Variants in MYO19 observed in about 807,000 individuals in gnomAD.
MYO19 encodes the protein unconventional myosin-XIX.
In MYO19, 132 loss-of-function variants were observed where a neutral mutation model predicts 129.2. The observed-to-expected ratio is 1.02, with a 90% confidence interval of 0.89 to 1.18. The LOEUF is 1.18. Ranked by LOEUF, MYO19 falls within the 50% of genes most tolerant of loss-of-function variation. The pLI is 0.00. For synonymous variants in MYO19, 531 were observed against 477.2 expected (o/e 1.11, Z -1.47); for missense variants, 1,210 against 1,216.7 (o/e 0.99, Z 0.08).
At chr17:36,525,695 A>T (rs1338691494) in intron 5 of MYO19, among the ~76,000 whole-genome samples, 1 of 152,218 alleles carries the variant, frequency 6.6e-6, no homozygotes, top group East Asian at 1.9e-4. Context: ...CCTGTCCACT[A>T]ATTGGAAATA....
rs1159037570 is a variant in MYO19 at position 36,507,003 on chromosome 17, G to A, written c.1604C>T (p.Pro535Leu). The change falls in exon 17 of 26, where the codon CCT becomes CTT. Residue 535 changes from proline (P) to leucine (L), a missense_variant. Pro to Leu is a moderately conservative substitution (Grantham distance 98). Coordinates refer to ENST00000614623, the MANE Select transcript of MYO19 (RefSeq NM_001163735.2). The stretch of plus-strand genomic sequence containing the variant: ...CAGGCCTGCTGTGTGGTACCGCACA[G>A]GCCCCGCATAATGCACCACAATGAA... ...PSFIVVHYAG[P>L]VRYHTAGLVE... 2 of 1,612,434 alleles carry A rather than the reference G, an allele frequency of 1.2e-6. No individual in the cohort carries two copies. Among genetic ancestry groups the A allele is most frequent in the Admixed American group, 3.3e-5 (2 of 59,946 alleles).
intron 1 of MYO19, among the ~76,000 whole-genome samples, chr17:36,542,541 C>T (rs140419579): frequency 0.071 from 10,751 of 151,646 alleles, 638 homozygotes; most frequent in African/African-American, 0.16. Context: ...CTAATAAAAA[C>T]ACAAAAAATT....
chr17:36,525,618 C>A (rs1463645230), intron 5 of MYO19, among the ~76,000 whole-genome samples: 1 of 152,180 alleles, frequency 6.6e-6, no homozygotes, highest in East Asian at 1.9e-4. Context: ...ATTGTCTTAT[C>A]CTTCTGCCTA....
intron 3 of MYO19, among the ~76,000 whole-genome samples, chr17:36,530,073 A>G (rs1212716226): frequency 6.6e-6 from 1 of 152,070 alleles, no homozygotes; most frequent in Non-Finnish European, 1.5e-5. Context: ...AAAATAGAAA[A>G]ATTTCCAGCT....
chr17:36,518,489 G>GAAAAAAAAA (rs1165317347), intron 6 of MYO19, among the ~76,000 whole-genome samples: 1 of 24,070 alleles, frequency 4.2e-5, no homozygotes, highest in Non-Finnish European at 6.8e-5. Context: ...GATCTCAGAG[G>GAAAAAAAAA]AAAAAAAAAA....
upstream of MYO19, chr17:36,537,182 C>T: frequency 6.2e-7 from 1 of 1,614,114 alleles, no homozygotes; most frequent in Non-Finnish European, 8.5e-7. Flanking sequence ...AGGGATTGTG[C>T]TTTCCTGCAT....
chr17:36,498,474 G>C lies in MYO19; in HGVS notation c.2549C>G (p.Ser850Trp). The C allele has an allele frequency of 6.2e-7, 1 of 1,614,066 alleles. No individual in the cohort carries two copies. The highest frequency in any genetic ancestry group is 1.1e-5 in the South Asian group (1 of 91,090). The change falls in exon 25 of 26, where the codon TCG becomes TGG. Residue 850 changes from serine to tryptophan, a missense_variant. By Grantham distance (177) the Ser-to-Trp change is radical. Coordinates refer to ENST00000614623, the MANE Select transcript of MYO19 (RefSeq NM_001163735.2). ...CTCCAGGAGCCTGGTCTGCAGCGGC[G>C]AGGTGCTCAGGGAACAGGGAGCTTG... Reference protein sequence around the residue: ...FSQAPCSLSTSPLQTRLLEAI... With the variant: ...FSQAPCSLSTWPLQTRLLEAI...
intron 6 of MYO19, among the ~76,000 whole-genome samples, chr17:36,523,871 G>A (rs1023114272): frequency 6.6e-6 from 1 of 152,186 alleles, no homozygotes; most frequent in Non-Finnish European, 1.5e-5. Context: ...AGATGTGCAA[G>A]TAACTGCATC....
chr17:36,499,273 T>G (rs1404863296), intron 23 of MYO19, 113 bp from the exon 24 acceptor site: 2 of 721,512 alleles, frequency 2.8e-6, no homozygotes, highest in East Asian at 6.0e-5. Context: ...TACGTTTTTT[T>G]TTTTTCAATA....
intron 21 of MYO19, chr17:36,501,439 G>A (rs1206641137): frequency 9.3e-6 from 5 of 539,986 alleles, no homozygotes; most frequent in Admixed American, 3.4e-5. Flanking sequence ...GTTCCGTGGA[G>A]CCTTGGAATA....
In MYO19 at chr17:36,500,903, G is replaced by C; in HGVS notation, c.2304C>G (p.Ile768Met). Residue 768 changes from isoleucine to methionine, a missense_variant, in exon 23 of 26, where the codon ATC (isoleucine) becomes ATG (methionine). By Grantham distance (10) the Ile-to-Met change is conservative. Transcript: ENST00000614623. Reference sequence around the variant, plus strand: ...GCCGGTGTCGCCTCCAGCCACCCTGGATGCAGCGGGCACACTGCTCCAGCA... The same window carrying C: ...GCCGGTGTCGCCTCCAGCCACCCTGCATGCAGCGGGCACACTGCTCCAGCA... ...ARVLEQCARC[I>M]QGGWRRHRHR... The C allele has an allele frequency of 6.2e-7, 1 of 1,609,234 alleles. No individual in the cohort carries two copies. Among genetic ancestry groups the C allele is most frequent in the Non-Finnish European group, 8.5e-7 (1 of 1,179,252 alleles).
upstream of MYO19, chr17:36,535,238 G>GGAGTGTTGTGCGA (rs1428710213): frequency 6.6e-6 from 1 of 152,262 alleles, no homozygotes; most frequent in African/African-American, 2.4e-5. Context: ...CGAGGCCGGC[G>GGAGTGTTGTGCGA]GACACCATTA....
chr17:36,507,552 T>C, intron 15 of MYO19, 40 bp from the exon 16 acceptor site: 1 of 1,591,098 alleles, frequency 6.3e-7, no homozygotes, highest in South Asian at 1.1e-5. Context: ...AAGGCAGCTG[T>C]GGTCTGATGT....
rs540031961 is a variant in MYO19 at position 36,511,407 on chromosome 17, C to T, written c.943G>A (p.Glu315Lys). The change falls in exon 12 of 26, where the codon GAG (glutamate) becomes AAG (lysine). Residue 315 changes from glutamate to lysine, a missense_variant. Glu to Lys is a moderately conservative substitution (Grantham distance 56, BLOSUM62 1). Transcript: ENST00000614623. The part of the protein sequence containing the change: ...HLGNIQFAAS[E>K]DEAQPCQPMD... ...GGCTGGCAGGGCTGGGCTTCATCCT[C>T]GGAGGCAGCAAACTGGATATTGCCA... 1.7e-5 allele frequency: 26 copies of T among 1,575,158 alleles called. No individual in the cohort carries two copies. In the East Asian group the frequency reaches 2.6e-4, roughly 16 times the overall value.
chr17:36,495,653 A>T lies in MYO19; in HGVS notation c.*598T>A, dbSNP rs1023297377. On this transcript the variant is annotated 3_prime_UTR_variant, in exon 26 of 26. Transcript: ENST00000614623. ...TCAGATGATTGTTTTTAAATGTTTT[A>T]CTTTTGGTACAGTTGATAGACATCA... 12 of 1,289,312 alleles carry T rather than the reference A, an allele frequency of 9.3e-6. No homozygotes were observed. The African/African-American group carries it at 1.8e-4, about 20-fold the overall frequency. 79.9% of individuals were successfully genotyped at this position (1,289,312 alleles called of 1,614,324 possible).
At chr17:36,510,697 G>T (rs777821891) in intron 13 of MYO19, 49 bp downstream of exon 13, 3 of 1,531,548 alleles carry the variant, frequency 2.0e-6, no homozygotes, top group Non-Finnish European at 2.6e-6. Flanking sequence ...CGGACAGGAA[G>T]AGCACTTGTC....
chr17:36,515,577 T>C (rs527462005), intron 7 of MYO19, among the ~76,000 whole-genome samples: 1 of 152,286 alleles, frequency 6.6e-6, no homozygotes, highest in Admixed American at 6.5e-5. Context: ...GGAAACTGGA[T>C]AGAAAGACAG....
At chr17:36,497,281 C>T (rs1029091828) in intron 25 of MYO19, among the ~76,000 whole-genome samples, 6 of 149,792 alleles carry the variant, frequency 4.0e-5, no homozygotes, top group African/African-American at 9.9e-5. Flanking sequence ...CCATCCTGGG[C>T]GACAGAGTGA....
intron 25 of MYO19, among the ~76,000 whole-genome samples, chr17:36,497,396 C>A (rs1380813056): frequency 1.3e-5 from 2 of 151,230 alleles, no homozygotes; most frequent in Non-Finnish European, 2.9e-5. Context: ...AAGGAAAAAA[C>A]CAAGCAATAC....
Sources: gnomAD v4.1 joint callset for allele counts (sites outside exome capture counted in the v4.1 genomes callset) on GRCh38, gnomAD v4.1.1 for gene constraint, MANE v1.5 for transcripts, NCBI Gene and HGNC (gene_info 2026-07-23, HGNC 2026-07-21) for gene names.